The following PPP2R5E variants were observed in gnomAD, a reference collection of about 807,000 sequenced individuals.
PPP2R5E encodes protein phosphatase 2 regulatory subunit B'epsilon.
A neutral mutation model predicts 65.3 loss-of-function variants in PPP2R5E; 4 were observed. The observed-to-expected ratio is 0.06, with a 90% CI of 0.03 to 0.14. The LOEUF is 0.14. Ranked by LOEUF, PPP2R5E falls within the 10% of genes least tolerant of loss-of-function variation. The pLI, the probability that PPP2R5E is intolerant of heterozygous loss-of-function variation, is 1.00. For missense variants in PPP2R5E, 274 were observed against 556.1 expected, an observed-to-expected ratio of 0.49 and a Z score of 5.10; for synonymous variants, 183 against 187.4, an observed-to-expected ratio of 0.98 and a Z score of 0.19.
intron 2 of PPP2R5E, among the ~76,000 whole-genome samples, chr14:63,511,624 T>C (rs572418027): frequency 6.6e-6 from 1 of 152,330 alleles, no homozygotes; most frequent in South Asian, 2.1e-4. Context: ...AACAGCATTA[T>C]ATAAAAGGCA....
intron 10 of PPP2R5E, 31 bp from the exon 11 acceptor site, chr14:63,389,762 G>A (rs1884899248): frequency 6.5e-7 from 1 of 1,529,028 alleles, no homozygotes; most frequent in Non-Finnish European, 8.8e-7. Context: ...CAAGATGTGA[G>A]GCACATCATG....
intron 4 of PPP2R5E, among the ~76,000 whole-genome samples, chr14:63,417,584 G>A (rs889607847): frequency 4.6e-5 from 7 of 151,822 alleles, no homozygotes; most frequent in Non-Finnish European, 8.8e-5. Flanking sequence ...AGTATGCAGT[G>A]GATGTTACTA....
chr14:63,503,586 C>T (rs1892008890), intron 2 of PPP2R5E, among the ~76,000 whole-genome samples: 1 of 152,176 alleles, frequency 6.6e-6, no homozygotes, highest in African/African-American at 2.4e-5. Flanking sequence ...GCAAAAAACA[C>T]CACATTTATA....
Position 63,382,100 on chromosome 14 carries a change from G to C in PPP2R5E, c.1260C>G (p.Thr420=). ...ATGTGGCTGTCAGCTCGTCAAACAT[G>C]GTGCTGTTCATTTCCATAAATGCCT... ...VLKAFMEMNS[T]MFDELTATYK... is the part of the protein sequence containing the mutation. The change falls in exon 13 of 14, where the codon ACC becomes ACG. Residue 420 remains threonine, a synonymous_variant. Transcript: ENST00000337537. 6.2e-7 allele frequency: 1 copy of C among 1,613,602 alleles called. No individual in the cohort carries two copies. The highest frequency in any genetic ancestry group is 8.5e-7 in the Non-Finnish European group (1 of 1,179,724).
At chr14:63,499,251 C>G (rs752829586) in intron 2 of PPP2R5E, among the ~76,000 whole-genome samples, 1 of 152,144 alleles carries the variant, frequency 6.6e-6, no homozygotes. Context: ...CAGGTCAGAG[C>G]TGCCTAAAAG....
intron 2 of PPP2R5E, among the ~76,000 whole-genome samples, chr14:63,493,487 T>TGTGTGTGTGC (rs1555365672): frequency 1.6e-5 from 2 of 121,214 alleles, no homozygotes; most frequent in African/African-American, 6.3e-5. Flanking sequence ...CGCGCGCGTG[T>TGTGTGTGTGC]GTGTGTGCGT....
chr14:63,421,408 C>T (rs900370667), intron 4 of PPP2R5E, among the ~76,000 whole-genome samples: 1 of 152,116 alleles, frequency 6.6e-6, no homozygotes, highest in African/African-American at 2.4e-5. Flanking sequence ...TGCAGTGATG[C>T]CCCTGATCCA....
intron 3 of PPP2R5E, among the ~76,000 whole-genome samples, chr14:63,433,919 A>C (rs1334030964): frequency 6.6e-6 from 1 of 152,264 alleles, no homozygotes; most frequent in East Asian, 1.9e-4. Context: ...TCTCTGATGG[A>C]CCAAGGTAGT....
intron 2 of PPP2R5E, among the ~76,000 whole-genome samples, chr14:63,481,380 C>T (rs1464474369): frequency 1.3e-5 from 2 of 151,664 alleles, no homozygotes; most frequent in African/African-American, 4.8e-5. Flanking sequence ...CCTGTAATCC[C>T]AGCTACTAGG....
At chr14:63,430,417 A>ACATACATACATGCATACATACATACATG (rs1301093750) in intron 3 of PPP2R5E, among the ~76,000 whole-genome samples, 1 of 149,840 alleles carries the variant, frequency 6.7e-6, no homozygotes, top group African/African-American at 2.5e-5. Context: ...ATACATACAT[A>ACATACATACATGCATACATACATACATG]CATGCATACA....
At chr14:63,393,722 A>C (rs1885159785) in intron 8 of PPP2R5E, 98 bp downstream of exon 8, 2 of 847,526 alleles carry the variant, frequency 2.4e-6, no homozygotes, top group African/African-American at 3.5e-5. Flanking sequence ...AAAAAACAAA[A>C]ACCAAAAAAA....
intron 2 of PPP2R5E, among the ~76,000 whole-genome samples, chr14:63,524,352 T>G (rs1236848923): frequency 6.6e-6 from 1 of 152,158 alleles, no homozygotes; most frequent in Non-Finnish European, 1.5e-5. Flanking sequence ...AACAGAGAGA[T>G]GAGGGAACGC....
At chr14:63,437,118 A>G (rs1334701557) in intron 3 of PPP2R5E, among the ~76,000 whole-genome samples, 2 of 152,246 alleles carry the variant, frequency 1.3e-5, no homozygotes, top group Non-Finnish European at 2.9e-5. Flanking sequence ...ACATGGTACC[A>G]CATACCAACG....
intron 1 of PPP2R5E, 72 bp downstream of exon 1, chr14:63,542,707 C>T (rs1893953342): frequency 6.5e-6 from 1 of 153,162 alleles, no homozygotes; most frequent in African/African-American, 2.4e-5. Flanking sequence ...GCCGGTGCCC[C>T]ATAGGTTCCC....
intron 11 of PPP2R5E, among the ~76,000 whole-genome samples, chr14:63,386,862 T>G (rs1262133832): frequency 4.0e-5 from 6 of 150,028 alleles, no homozygotes; most frequent in African/African-American, 1.5e-4. Context: ...AGGCAGATGC[T>G]GCAGTGAACT....
At chr14:63,535,582 C>T (rs532472064) in intron 2 of PPP2R5E, among the ~76,000 whole-genome samples, 4 of 151,996 alleles carry the variant, frequency 2.6e-5, no homozygotes, top group Admixed American at 6.5e-5. Context: ...ATGCACAAAA[C>T]GAGTGGTTAT....
At chr14:63,382,524 C>T (rs1884427742) in intron 12 of PPP2R5E, among the ~76,000 whole-genome samples, 1 of 152,034 alleles carries the variant, frequency 6.6e-6, no homozygotes, top group Admixed American at 6.5e-5. Context: ...GCCTCAGTCT[C>T]CTGGGTAGCT....
intron 3 of PPP2R5E, among the ~76,000 whole-genome samples, chr14:63,430,417 A>ACATGCATACATGCATACATACATACATG (rs1887611425): frequency 4.0e-5 from 6 of 149,840 alleles, no homozygotes; most frequent in Admixed American, 1.3e-4. Context: ...ATACATACAT[A>ACATGCATACATGCATACATACATACATG]CATGCATACA....
chr14:63,500,514 A>T (rs1489342933), intron 2 of PPP2R5E, among the ~76,000 whole-genome samples: 1 of 152,228 alleles, frequency 6.6e-6, no homozygotes, highest in Non-Finnish European at 1.5e-5. Flanking sequence ...TTGTATGGTT[A>T]ACTGGTAATG....
Sources: gnomAD v4.1 joint callset for allele counts (sites outside exome capture counted in the v4.1 genomes callset) on GRCh38, gnomAD v4.1.1 for gene constraint, MANE v1.5 for transcripts, NCBI Gene and HGNC (gene_info 2026-07-23, HGNC 2026-07-21) for gene names.